CORO2A: variants seen among roughly 807,000 people sequenced by gnomAD.
CORO2A encodes the protein coronin 2A, also known as coronin-2A.
In CORO2A, 47 loss-of-function variants were observed where a neutral mutation model predicts 62.4. That is an observed-to-expected ratio of 0.75 (90% CI 0.60 to 0.96). The LOEUF is 0.96. Among genes scored for constraint, CORO2A ranks in the 40% least tolerant of loss-of-function variants. CORO2A has a pLI of 0.00. For synonymous variants in CORO2A, 273 were observed against 268.9 expected (o/e 1.02, Z -0.15); for missense variants, 610 against 684.1 (o/e 0.89, Z 1.21).
intron 1 of CORO2A, among the ~76,000 whole-genome samples, chr9:98,161,571 A>T (rs988358125): frequency 6.6e-6 from 1 of 152,144 alleles, no homozygotes; most frequent in Non-Finnish European, 1.5e-5. Flanking sequence ...ATTAATAATA[A>T]TTCTAATAAA....
At chr9:98,145,600 GA>G (rs1827634618) in intron 2 of CORO2A, among the ~76,000 whole-genome samples, 2 of 152,248 alleles carry the variant, frequency 1.3e-5, no homozygotes, top group African/African-American at 4.8e-5. Context: ...AGAGGGCTTT[GA>G]TGAGAGAGGC....
intron 5 of CORO2A, 30 bp from the exon 6 acceptor site, chr9:98,132,331 G>A (rs1465419452): frequency 6.3e-7 from 1 of 1,582,272 alleles, no homozygotes; most frequent in African/African-American, 1.3e-5. Context: ...CGGTATTGGA[G>A]AGACAGTAGA....
chr9:98,128,914 A>G (rs544261580), intron 8 of CORO2A, among the ~76,000 whole-genome samples, 195 bp from the exon 9 acceptor site: 1 of 152,160 alleles, frequency 6.6e-6, no homozygotes, highest in Non-Finnish European at 1.5e-5. Flanking sequence ...TTCACCTTCA[A>G]AGATTTAAAT....
rs1296747932 is a variant in CORO2A at position 98,123,755 on chromosome 9, A to G, written c.*1019T>C. ...ACTGCAACCTCCGCCTCCCAGGCTC[A>G]AGCGATTCTCCTGCCTCAGCCTCCC... is the stretch of plus-strand genomic sequence containing the variant. On this transcript the variant is annotated 3_prime_UTR_variant, in exon 12 of 12. Coordinates refer to ENST00000375077, the MANE Select transcript of CORO2A (RefSeq NM_052820.4). 1 of 152,204 alleles carries G rather than the reference A, an allele frequency of 6.6e-6. No individual in the cohort carries two copies. The highest frequency in any genetic ancestry group is 1.5e-5 in the Non-Finnish European group (1 of 68,118). The allele number at this position is 152,204 out of a possible 1,614,324, so 9.4% of individuals were successfully genotyped here.
chr9:98,154,645 G>A (rs1346314844), intron 2 of CORO2A, among the ~76,000 whole-genome samples: 1 of 151,930 alleles, frequency 6.6e-6, no homozygotes, highest in African/African-American at 2.4e-5. Flanking sequence ...TTATGCAACT[G>A]TTAAAGTATG....
chr9:98,181,321 T>C, intron 1 of CORO2A, among the ~76,000 whole-genome samples: 1 of 141,656 alleles, frequency 7.1e-6, no homozygotes, highest in Non-Finnish European at 1.5e-5. Context: ...CTTCAAATCA[T>C]CTCTCTCTCT....
chr9:98,189,916 G>A (rs1014774986), intron 1 of CORO2A, among the ~76,000 whole-genome samples: 21 of 150,496 alleles, frequency 1.4e-4, no homozygotes, highest in African/African-American at 5.1e-4. Flanking sequence ...ATGGAGTCTC[G>A]CTCTGTCGCC....
Position 98,128,675 on chromosome 9 carries a change from A to T in CORO2A, c.1012T>A (p.Phe338Ile). The T allele has an allele frequency of 6.2e-7, 1 of 1,614,204 alleles. No individual in the cohort carries two copies. The highest frequency in any genetic ancestry group is 8.5e-7 in the Non-Finnish European group (1 of 1,180,032). The change falls in exon 9 of 12, where the codon TTC becomes ATC. Residue 338 changes from phenylalanine (F) to isoleucine (I), a missense_variant. By Grantham distance (21) the Phe-to-Ile change is conservative (BLOSUM62 0). Coordinates refer to ENST00000375077, the MANE Select transcript of CORO2A (RefSeq NM_052820.4). Reference protein sequence around the residue: ...RGLDVSSCEIFRFYKLITTKS... With the variant: ...RGLDVSSCEIIRFYKLITTKS... ...GTTGTGATCAGCTTGTAGAAGCGGA[A>T]GATCTCGCAGGAGGACACGTCGAGT...
At chr9:98,142,691 C>T (rs1827587078) in intron 2 of CORO2A, among the ~76,000 whole-genome samples, 1 of 151,836 alleles carries the variant, frequency 6.6e-6, no homozygotes, top group South Asian at 2.1e-4. Context: ...TCAGGGAAGG[C>T]GCCTTAGGGT....
chr9:98,126,145 C>T (rs886737319), intron 11 of CORO2A, among the ~76,000 whole-genome samples: 4 of 151,808 alleles, frequency 2.6e-5, no homozygotes, highest in Non-Finnish European at 5.9e-5. Context: ...AAGCCATTCT[C>T]CTGCCTCAAC....
intron 1 of CORO2A, among the ~76,000 whole-genome samples, chr9:98,170,165 C>T (rs1217961884): frequency 6.6e-6 from 1 of 152,210 alleles, no homozygotes; most frequent in African/African-American, 2.4e-5. Flanking sequence ...AAGCGCCCCT[C>T]GTCTCCTTTC....
intron 2 of CORO2A, among the ~76,000 whole-genome samples, chr9:98,149,958 C>T (rs1434548390): frequency 1.3e-5 from 2 of 150,486 alleles, no homozygotes; most frequent in African/African-American, 2.5e-5. Context: ...GAGAGAGTCT[C>T]GCACTGTTGC....
intron 3 of CORO2A, 84 bp from the exon 4 acceptor site, chr9:98,135,039 A>G (rs2118817397): frequency 1.3e-6 from 2 of 1,542,512 alleles, no homozygotes; most frequent in Middle Eastern, 4.2e-4. Context: ...TCTGGCAGTG[A>G]CCAGCAGAAG....
intron 1 of CORO2A, among the ~76,000 whole-genome samples, chr9:98,169,963 T>C (rs1828011203): frequency 6.6e-6 from 1 of 152,126 alleles, no homozygotes; most frequent in African/African-American, 2.4e-5. Context: ...GGTCCCATCC[T>C]GACATTTGGG....
Position 98,124,011 on chromosome 9 carries a change from T to C in CORO2A, c.*763A>G, listed in dbSNP as rs1237007735. The C allele has an allele frequency of 7.2e-6, 1 of 138,428 alleles. No individual in the cohort carries two copies. Among genetic ancestry groups the C allele is most frequent in the African/African-American group, 2.8e-5 (1 of 35,110 alleles). 8.6% of individuals were successfully genotyped at this position (138,428 alleles called of 1,614,324 possible). A position where few individuals can be genotyped will look rare whatever the true frequency, so the allele number is the denominator to read the frequency against. ...TCACCATGTTGGCCAGGCTGGTTTCTTTCTTTTTTTTTTTTTTTTGAGACA... is the reference window on the plus strand; with the variant it reads ...TCACCATGTTGGCCAGGCTGGTTTCCTTCTTTTTTTTTTTTTTTTGAGACA... On this transcript the variant is annotated 3_prime_UTR_variant, in exon 12 of 12. Transcript: ENST00000375077.
chr9:98,145,785 T>C (rs1055138850), intron 2 of CORO2A, among the ~76,000 whole-genome samples: 1 of 152,200 alleles, frequency 6.6e-6, no homozygotes, highest in Non-Finnish European at 1.5e-5. Context: ...CGATCTTGGT[T>C]TACTGCAACC....
intron 1 of CORO2A, among the ~76,000 whole-genome samples, chr9:98,160,066 C>G (rs781002110): frequency 3.3e-5 from 5 of 152,304 alleles, no homozygotes; most frequent in Admixed American, 1.3e-4. Flanking sequence ...CCAGGTAGCA[C>G]GTCAGTCTTG....
chr9:98,151,136 T>C (rs1047051613), intron 2 of CORO2A, among the ~76,000 whole-genome samples: 1 of 152,164 alleles, frequency 6.6e-6, no homozygotes, highest in African/African-American at 2.4e-5. Flanking sequence ...AGATAATTTG[T>C]GGAGTTAATG....
intron 1 of CORO2A, among the ~76,000 whole-genome samples, chr9:98,186,611 A>G (rs970820508): frequency 6.6e-6 from 1 of 152,190 alleles, no homozygotes; most frequent in African/African-American, 2.4e-5. Context: ...AGTGTTTATA[A>G]TTTTAAAAAT....
Sources: gnomAD v4.1 joint callset for allele counts (sites outside exome capture counted in the v4.1 genomes callset) on GRCh38, gnomAD v4.1.1 for gene constraint, MANE v1.5 for transcripts, NCBI Gene and HGNC (gene_info 2026-07-23, HGNC 2026-07-21) for gene names.